Variants in XYLT2 observed in about 807,000 individuals in gnomAD.
XYLT2 encodes the protein xylosyltransferase 2.
A neutral mutation model predicts 82.6 loss-of-function variants in XYLT2; 37 were observed. The observed-to-expected ratio is 0.45, with a 90% CI of 0.34 to 0.59. The LOEUF is 0.59. Ranked by LOEUF, XYLT2 falls within the 20% of genes least tolerant of loss-of-function variation. XYLT2 has a pLI of 0.01. For synonymous variants in XYLT2, 474 were observed against 499.0 expected (o/e 0.95, Z 0.67); for missense variants, 934 against 1,181.3 (o/e 0.79, Z 3.07).
chr17:50,353,871 C>T lies in XYLT2; in HGVS notation c.377C>T (p.Ala126Val), dbSNP rs201924207. 2.5e-6 allele frequency: 4 copies of T among 1,608,848 alleles called. No individual in the cohort carries two copies. The South Asian group carries it at 4.4e-5, about 18-fold the overall frequency. Reference sequence around the variant, plus strand: ...CCAGGCCGCCAGAACCTGAGTGGGGCAGCAGCTGGGGAGGCGCTGGTAGGG... The same window carrying T: ...CCAGGCCGCCAGAACCTGAGTGGGGTAGCAGCTGGGGAGGCGCTGGTAGGG... ...EAPGRQNLSG[A>V]AAGEALVGAA... Residue 126 changes from alanine (A) to valine (V), a missense_variant, in exon 2 of 11, where the codon GCA (alanine) becomes GTA (valine). This residue lies in a region of XYLT2 where 371 missense variants were observed against 394.9 expected (regional missense o/e 0.94). Coordinates refer to ENST00000017003, the MANE Select transcript of XYLT2 (RefSeq NM_022167.4).
At position 50,359,617 on chromosome 17, in the gene XYLT2, G is replaced by A. The variant is rs961446910; in HGVS notation, c.2276-352G>A. On this transcript the variant is annotated intron_variant, in intron 10 of 10. Coordinates refer to ENST00000017003, the MANE Select transcript of XYLT2 (RefSeq NM_022167.4). Reference sequence around the variant, plus strand: ...GGGGACAAAGCTGGCCATTGTCTGTGCATGAAGAGCTGAAGTGCCCGAGTA... The same window carrying A: ...GGGGACAAAGCTGGCCATTGTCTGTACATGAAGAGCTGAAGTGCCCGAGTA... The A allele has an allele frequency of 1.2e-5, 3 of 241,244 alleles. No homozygotes were observed. The Admixed American group carries it at 1.6e-4, about 13-fold the overall frequency. The allele number at this position is 241,244 out of a possible 1,614,324, so 14.9% of individuals were successfully genotyped here.
intron 1 of XYLT2, among the ~76,000 whole-genome samples, chr17:50,347,802 G>A (rs1912101805): frequency 6.6e-6 from 1 of 152,214 alleles, no homozygotes; most frequent in African/African-American, 2.4e-5. Context: ...CTCTGGGGTT[G>A]CCAGGCAGCA....
rs778050200 is a variant in XYLT2 at position 50,356,663 on chromosome 17, T to C, written c.1635T>C (p.Asp545=). 1.9e-6 allele frequency: 3 copies of C among 1,613,766 alleles called. No homozygotes were observed. In the African/African-American group the frequency reaches 4.0e-5, roughly 22 times the overall value. ...GGGAGAACACCTACGACGCGGCTGATGGCCCCAGTGGGCTCAGTGATGTCA... is the reference window on the plus strand; with the variant it reads ...GGGAGAACACCTACGACGCGGCTGACGGCCCCAGTGGGCTCAGTGATGTCA... ...AYWENTYDAA[D]GPSGLSDVML... The change falls in exon 8 of 11, where the codon GAT becomes GAC. Residue 545 remains aspartate, a synonymous_variant. Coordinates refer to ENST00000017003, the MANE Select transcript of XYLT2 (RefSeq NM_022167.4).
intron 1 of XYLT2, among the ~76,000 whole-genome samples, chr17:50,347,732 A>AGCTTGT (rs1912099828): frequency 6.6e-6 from 1 of 152,184 alleles, no homozygotes; most frequent in African/African-American, 2.4e-5. Flanking sequence ...TGTTTGAAAA[A>AGCTTGT]GCTTGTGCGG....
In XYLT2 at chr17:50,356,278, C is replaced by T. The variant is rs201669398; in HGVS notation, c.1482+17C>T. The stretch of plus-strand genomic sequence containing the variant: ...CGGCTGCAGGTGCTTGCCCGAGGCC[C>T]CAAGGCCCCTGGCTAGGTCTTCTCC... On this transcript the variant is annotated intron_variant, in intron 7 of 10. Coordinates refer to ENST00000017003, the MANE Select transcript of XYLT2 (RefSeq NM_022167.4). 6.2e-7 allele frequency: 1 copy of T among 1,610,740 alleles called. No homozygotes were observed. The highest frequency in any genetic ancestry group is 2.2e-5 in the East Asian group (1 of 44,782).
chr17:50,359,299 C>G (rs1174244346), intron 10 of XYLT2: 1 of 152,536 alleles, frequency 6.6e-6, no homozygotes, highest in Non-Finnish European at 1.5e-5. Context: ...GTAACTCCCC[C>G]TGGGAGCTAT....
chr17:50,361,038 C>G lies in XYLT2; in HGVS notation c.*747C>G. Reference sequence around the variant, plus strand: ...TGCACTGGAAGTGAGGTCACATGAGCAGCGTGGGAAGAAGACTCTGTCAAG... The same window carrying G: ...TGCACTGGAAGTGAGGTCACATGAGGAGCGTGGGAAGAAGACTCTGTCAAG... On this transcript the variant is annotated 3_prime_UTR_variant, in exon 11 of 11. Coordinates refer to ENST00000017003, the MANE Select transcript of XYLT2 (RefSeq NM_022167.4). 1.0e-6 allele frequency: 1 copy of G among 985,928 alleles called. No individual in the cohort carries two copies. Among genetic ancestry groups the G allele is most frequent in the Non-Finnish European group, 1.2e-6 (1 of 829,958 alleles). 61.1% of individuals were successfully genotyped at this position (985,928 alleles called of 1,614,324 possible). A position where few individuals can be genotyped will look rare whatever the true frequency, so the allele number is the denominator to read the frequency against.
Position 50,346,580 on chromosome 17 carries a change from G to A in XYLT2, c.135+305G>A. Reference sequence around the variant, plus strand: ...AAGGGAGCGATGAAGGTCAGGCGCGGCGAGCGGGGCTGGGAGGCGGGGCTG... The same window carrying A: ...AAGGGAGCGATGAAGGTCAGGCGCGACGAGCGGGGCTGGGAGGCGGGGCTG... On this transcript the variant is annotated intron_variant, in intron 1 of 10. Transcript: ENST00000017003. This position sits in a 1 kb window ranked among gnomAD's most constrained non-coding sequence, Gnocchi z 5.1. 1 of 981,712 alleles carries A rather than the reference G, an allele frequency of 1.0e-6. No individual in the cohort carries two copies. The highest frequency in any genetic ancestry group is 4.7e-5 in the South Asian group (1 of 21,204). The allele number at this position is 981,712 out of a possible 1,614,324, so 60.8% of individuals were successfully genotyped here. A position where few individuals can be genotyped will look rare whatever the true frequency, so the allele number is the denominator to read the frequency against.
intron 10 of XYLT2, among the ~76,000 whole-genome samples, 153 bp downstream of exon 10, chr17:50,358,693 C>G (rs77470365): frequency 6.6e-6 from 1 of 152,242 alleles, no homozygotes; most frequent in South Asian, 2.1e-4. Flanking sequence ...TTTCCTGTAG[C>G]ATGCAGGGTC....
intron 4 of XYLT2, 36 bp from the exon 5 acceptor site, chr17:50,355,465 C>T (rs1912478984): frequency 1.9e-6 from 3 of 1,605,178 alleles, no homozygotes; most frequent in Non-Finnish European, 2.6e-6. Context: ...GAGCAACTAT[C>T]TCATGTGGCT....
At position 50,356,540 on chromosome 17, in the gene XYLT2, G is replaced by C. The variant is rs1474065334; in HGVS notation, c.1512G>C (p.Arg504=). ...TCTCCAGACCCACCTTCTTCGCCCG[G>C]AAGTTCGAGTCGACTGTGAACCAGG... ...QQVSRPTFFA[R]KFESTVNQEV... The change falls in exon 8 of 11, where the codon CGG becomes CGC. Residue 504 remains arginine (R), a synonymous_variant. Coordinates refer to ENST00000017003, the MANE Select transcript of XYLT2 (RefSeq NM_022167.4). The C allele has an allele frequency of 1.2e-6, 2 of 1,614,124 alleles. No individual in the cohort carries two copies. The highest frequency in any genetic ancestry group is 2.2e-5 in the East Asian group (1 of 44,884).
chr17:50,346,702 A>C lies in XYLT2; in HGVS notation c.135+427A>C. 1 of 985,292 alleles carries C rather than the reference A, an allele frequency of 1.0e-6. No homozygotes were observed. Among genetic ancestry groups the C allele is most frequent in the Non-Finnish European group, 1.2e-6 (1 of 829,892 alleles). The allele number at this position is 985,292 out of a possible 1,614,324, so 61.0% of individuals were successfully genotyped here. A position where few individuals can be genotyped will look rare whatever the true frequency, so the allele number is the denominator to read the frequency against. On this transcript the variant is annotated intron_variant, in intron 1 of 10. Coordinates refer to ENST00000017003, the MANE Select transcript of XYLT2 (RefSeq NM_022167.4). This position sits in a 1 kb window ranked among gnomAD's most constrained non-coding sequence, Gnocchi z 5.1. ...GCGCCGTGGGCGGAGGAGTAGGGCC[A>C]AGGGACTCAGGGCGTCCTTCCCCAG...
chr17:50,355,089 G>A, intron 4 of XYLT2, 33 bp downstream of exon 4: 1 of 1,517,426 alleles, frequency 6.6e-7, no homozygotes. Flanking sequence ...CCTCTGCATG[G>A]GAGGGGACCC....
intron 1 of XYLT2, among the ~76,000 whole-genome samples, chr17:50,353,022 C>T (rs72832450): frequency 0.021 from 3,151 of 152,340 alleles, 54 homozygotes; most frequent in Middle Eastern, 0.054. Flanking sequence ...CAGGGGTACC[C>T]GCAGTGAATC....
At chr17:50,359,875 G>A in intron 10 of XYLT2, 94 bp from the exon 11 acceptor site, 1 of 1,138,006 alleles carries the variant, frequency 8.8e-7, no homozygotes, top group Non-Finnish European at 1.2e-6. Context: ...GTAGGGCTGT[G>A]ACAGGAACTG....
intron 1 of XYLT2, among the ~76,000 whole-genome samples, chr17:50,350,317 G>C (rs1409574993): frequency 9.6e-6 from 1 of 104,206 alleles, no homozygotes; most frequent in African/African-American, 3.2e-5. Context: ...TGTAATCCCA[G>C]CACTTTGGGA....
intron 7 of XYLT2, 23 bp downstream of exon 7, chr17:50,356,284 C>T: frequency 2.5e-6 from 4 of 1,609,430 alleles, no homozygotes; most frequent in Non-Finnish European, 3.4e-6. Context: ...GGCCCCAAGG[C>T]CCCTGGCTAG....
chr17:50,358,138 G>A, intron 9 of XYLT2, 69 bp from the exon 10 acceptor site: 1 of 1,388,306 alleles, frequency 7.2e-7, no homozygotes, highest in Non-Finnish European at 9.7e-7. Flanking sequence ...TACACAGTGA[G>A]AGGCAGCTTC....
At position 50,360,642 on chromosome 17, in the gene XYLT2, G is replaced by C. The variant is rs1489750242; in HGVS notation, c.*351G>C. 9.7e-7 allele frequency: 1 copy of C among 1,029,790 alleles called. No homozygotes were observed. The highest frequency in any genetic ancestry group is 1.2e-6 in the Non-Finnish European group (1 of 861,418). The allele number at this position is 1,029,790 out of a possible 1,614,324, so 63.8% of individuals were successfully genotyped here. A position where few individuals can be genotyped will look rare whatever the true frequency, so the allele number is the denominator to read the frequency against. ...GGAGAGAAACTAGAACAGAAGATGTGCAATAGGGCTCAGAGCAGCCCCAGG... is the reference window on the plus strand; with the variant it reads ...GGAGAGAAACTAGAACAGAAGATGTCCAATAGGGCTCAGAGCAGCCCCAGG... On this transcript the variant is annotated 3_prime_UTR_variant, in exon 11 of 11. Coordinates refer to ENST00000017003, the MANE Select transcript of XYLT2 (RefSeq NM_022167.4).
Sources: allele counts gnomAD v4.1 joint callset (sites outside exome capture counted in the v4.1 genomes callset), GRCh38; gene constraint gnomAD v4.1.1; regional missense constraint gnomAD v4.1.1; non-coding constraint Gnocchi (gnomAD v3.1); transcripts MANE v1.5; gene names NCBI Gene and HGNC (gene_info 2026-07-23, HGNC 2026-07-21).